Variants in SNTG1 observed in about 807,000 individuals in gnomAD.
SNTG1 encodes syntrophin gamma 1.
Under a neutral mutation model 74.7 loss-of-function variants are expected in SNTG1, and 39 were observed. The observed-to-expected ratio is 0.52, with a 90% CI of 0.40 to 0.68. The LOEUF is 0.68. SNTG1 is among the 30% of genes least tolerant of loss of function. The pLI, the probability that SNTG1 is intolerant of heterozygous loss-of-function variation, is 0.00. For missense variants in SNTG1, 685 were observed against 609.5 expected, an observed-to-expected ratio of 1.12 and a Z score of -1.30; for synonymous variants, 254 against 217.1, an observed-to-expected ratio of 1.17 and a Z score of -1.49.
At chr8:50,351,925 T>C (rs2091673669) in intron 2 of SNTG1, among the ~76,000 whole-genome samples, 2 of 152,120 alleles carry the variant, frequency 1.3e-5, no homozygotes, top group Non-Finnish European at 2.9e-5. Context: ...AAAATAAATA[T>C]TGAGAACCTA....
chr8:49,970,778 G>A (rs1173588646), intron 1 of SNTG1, among the ~76,000 whole-genome samples: 2 of 152,106 alleles, frequency 1.3e-5, no homozygotes, highest in African/African-American at 2.4e-5. Flanking sequence ...CTCCCACCTT[G>A]AAGAGTTGGC....
At chr8:50,015,147 A>G (rs759703596) in intron 1 of SNTG1, among the ~76,000 whole-genome samples, 1 of 152,102 alleles carries the variant, frequency 6.6e-6, no homozygotes, top group Non-Finnish European at 1.5e-5. Flanking sequence ...AAAGCAAAAT[A>G]TAAAAACAAT....
intron 2 of SNTG1, among the ~76,000 whole-genome samples, chr8:50,292,602 C>T (rs537242394): frequency 1.3e-5 from 2 of 152,062 alleles, no homozygotes; most frequent in Admixed American, 1.3e-4. Context: ...TGGAAAGAGA[C>T]AAGCAAAGGC....
chr8:50,019,367 A>G (rs1816620565), intron 1 of SNTG1, among the ~76,000 whole-genome samples: 1 of 152,088 alleles, frequency 6.6e-6, no homozygotes, highest in African/African-American at 2.4e-5. Context: ...CAGAAAATAC[A>G]AACGAGTGTG....
intron 18 of SNTG1, among the ~76,000 whole-genome samples, chr8:50,777,069 G>A (rs1473810860): frequency 6.6e-6 from 1 of 151,624 alleles, no homozygotes; most frequent in Non-Finnish European, 1.5e-5. Flanking sequence ...ATTTCTTTGA[G>A]TTTATCCTCT....
intron 1 of SNTG1, among the ~76,000 whole-genome samples, chr8:49,935,037 C>T (rs577262379): frequency 6.6e-6 from 1 of 152,026 alleles, no homozygotes; most frequent in African/African-American, 2.4e-5. Context: ...TAAGCCATCC[C>T]GTACCATAAA....
At chr8:50,159,123 G>A (rs1175120068) in intron 1 of SNTG1, among the ~76,000 whole-genome samples, 1 of 151,894 alleles carries the variant, frequency 6.6e-6, no homozygotes, top group Non-Finnish European at 1.5e-5. Context: ...GCTTGTTCCT[G>A]TCTTGGCTCC....
intron 1 of SNTG1, among the ~76,000 whole-genome samples, chr8:49,963,850 G>T (rs569721424): frequency 6.6e-6 from 1 of 152,188 alleles, no homozygotes; most frequent in South Asian, 2.1e-4. Context: ...ATGATAAAAC[G>T]TGTTTGTAAA....
intron 2 of SNTG1, among the ~76,000 whole-genome samples, chr8:50,241,171 A>C (rs2086148194): frequency 6.6e-6 from 1 of 152,172 alleles, no homozygotes; most frequent in Admixed American, 6.5e-5. Flanking sequence ...TAATGTATAC[A>C]TTTGTTTTGT....
At chr8:49,926,988 A>G (rs1371938572) in intron 1 of SNTG1, among the ~76,000 whole-genome samples, 1 of 152,214 alleles carries the variant, frequency 6.6e-6, no homozygotes, top group Non-Finnish European at 1.5e-5. Context: ...GCATATGAAA[A>G]GATGCTCAAC....
chr8:50,244,549 A>AT (rs1398668430), intron 2 of SNTG1, among the ~76,000 whole-genome samples: 14 of 152,220 alleles, frequency 9.2e-5, no homozygotes, highest in African/African-American at 3.1e-4. Context: ...AAGCATATAT[A>AT]TTTTTAAATT....
At chr8:50,690,112 TA>T (rs1331664887) in intron 15 of SNTG1, among the ~76,000 whole-genome samples, 1 of 152,220 alleles carries the variant, frequency 6.6e-6, no homozygotes, top group African/African-American at 2.4e-5. Flanking sequence ...TATCATTTTT[TA>T]TTGCGTCTAT....
At chr8:49,927,619 A>T (rs1438842363) in intron 1 of SNTG1, among the ~76,000 whole-genome samples, 1 of 152,192 alleles carries the variant, frequency 6.6e-6, no homozygotes, top group Non-Finnish European at 1.5e-5. Flanking sequence ...GAAAAGGCAG[A>T]ATTATGGAGA....
chr8:50,313,254 C>T (rs548294109), intron 2 of SNTG1, among the ~76,000 whole-genome samples: 1 of 149,834 alleles, frequency 6.7e-6, no homozygotes, highest in South Asian at 2.2e-4. Flanking sequence ...ATTGGCTGAA[C>T]AATGATTTTT....
At chr8:50,315,137 ATT>A (rs1400430187) in intron 2 of SNTG1, among the ~76,000 whole-genome samples, 1 of 149,882 alleles carries the variant, frequency 6.7e-6, no homozygotes, top group Non-Finnish European at 1.5e-5. Context: ...TATATATATT[ATT>A]TATAATTTCT....
At chr8:50,251,152 A>T (rs777001944) in intron 2 of SNTG1, among the ~76,000 whole-genome samples, 4 of 152,232 alleles carry the variant, frequency 2.6e-5, no homozygotes, top group Middle Eastern at 6.8e-3. Flanking sequence ...AGCTTAAAAT[A>T]GGCCACTATA....
intron 17 of SNTG1, among the ~76,000 whole-genome samples, chr8:50,742,466 A>T (rs2095545574): frequency 1.3e-5 from 2 of 151,954 alleles, no homozygotes; most frequent in South Asian, 4.1e-4. Context: ...ATGAAAGTGA[A>T]ACACAAACAT....
At chr8:50,559,714 C>A (rs985757568) in intron 12 of SNTG1, among the ~76,000 whole-genome samples, 5 of 152,048 alleles carry the variant, frequency 3.3e-5, no homozygotes, top group African/African-American at 4.8e-5. Context: ...ACCCTTTATA[C>A]AAAAATTAAC....
At chr8:50,146,475 G>A (rs1429878335) in intron 1 of SNTG1, among the ~76,000 whole-genome samples, 1 of 152,068 alleles carries the variant, frequency 6.6e-6, no homozygotes, top group African/African-American at 2.4e-5. Flanking sequence ...CCAAGATCAC[G>A]CCATTGCACT....
Sources: gnomAD v4.1 joint callset for allele counts (sites outside exome capture counted in the v4.1 genomes callset) on GRCh38, gnomAD v4.1.1 for gene constraint, MANE v1.5 for transcripts, NCBI Gene and HGNC (gene_info 2026-07-23, HGNC 2026-07-21) for gene names.